The following MAP4K3 variants were observed in gnomAD, a reference collection of about 807,000 sequenced individuals.
MAP4K3 encodes MAPK/ERK kinase kinase kinase 3.
Under a neutral mutation model 143.5 loss-of-function variants are expected in MAP4K3, and 94 were observed. The ratio of observed to expected loss-of-function variants is 0.65; its 90% confidence interval spans 0.55 to 0.78. The LOEUF (loss-of-function observed/expected upper bound fraction) is 0.78. Among genes scored for constraint, MAP4K3 ranks in the 30% least tolerant of loss-of-function variants. The pLI, the probability that MAP4K3 is intolerant of heterozygous loss-of-function variation, is 0.00. For synonymous variants in MAP4K3, 416 were observed against 347.2 expected (o/e 1.20, Z -2.20); for missense variants, 1,077 against 1,068.1 (o/e 1.01, Z -0.12).
intron 4 of MAP4K3, among the ~76,000 whole-genome samples, chr2:39,339,228 T>TTAAACA (rs1443625527): frequency 6.6e-6 from 1 of 152,196 alleles, no homozygotes; most frequent in Non-Finnish European, 1.5e-5. Context: ...AGGACCGGGT[T>TTAAACA]GGGTTTAAAT....
chr2:39,411,918 G>A lies in MAP4K3; in HGVS notation c.96+24974C>T, dbSNP rs186055059. On this transcript the variant is annotated intron_variant, in intron 1 of 33. Coordinates refer to ENST00000263881, the MANE Select transcript of MAP4K3 (RefSeq NM_003618.4). Reference sequence around the variant, plus strand: ...ACAACACGCTTCATGGCACTCTAGAGAGTTTACAAAGTATGTCACATATAT... The same window carrying A: ...ACAACACGCTTCATGGCACTCTAGAAAGTTTACAAAGTATGTCACATATAT... Among the ~76,000 whole-genome samples the A allele has an allele frequency of 1.0e-3, 153 of 152,296 alleles. 1 individual carries two copies. Among genetic ancestry groups the A allele is most frequent in the African/African-American group, 3.5e-3 (146 of 41,562 alleles).
intron 1 of MAP4K3, among the ~76,000 whole-genome samples, chr2:39,415,952 CAAAAAAAAAAAAA>C (rs1192060497): frequency 3.8e-4 from 1 of 2,658 alleles, no homozygotes; most frequent in African/African-American, 8.7e-4. Flanking sequence ...GGCTCTGTCT[CAAAAAAAAAAAAA>C]AAAAAAAAAA....
At position 39,406,283 on chromosome 2, in the gene MAP4K3, G is replaced by T. The variant is rs566481739; in HGVS notation, c.97-28160C>A. ...ATCCAAGACTTATTGGCCTTAAAAA[G>T]GAGGTAGAGAAAGAGACAGGGGTAG... On this transcript the variant is annotated intron_variant, in intron 1 of 33. Coordinates refer to ENST00000263881, the MANE Select transcript of MAP4K3 (RefSeq NM_003618.4). 8.7e-4 allele frequency among the ~76,000 whole-genome samples: 133 copies of T among 152,266 alleles called. 1 individual carries two copies. The highest frequency in any genetic ancestry group is 1.6e-3 in the Non-Finnish European group (112 of 68,014).
chr2:39,373,363 T>C (rs938044116), intron 2 of MAP4K3, among the ~76,000 whole-genome samples: 1 of 152,176 alleles, frequency 6.6e-6, no homozygotes, highest in Admixed American at 6.5e-5. Flanking sequence ...ACAACTACTA[T>C]GGAGAACAGT....
intron 26 of MAP4K3, among the ~76,000 whole-genome samples, chr2:39,271,349 T>C (rs541748331): frequency 1.3e-5 from 2 of 152,310 alleles, no homozygotes; most frequent in East Asian, 1.9e-4. Context: ...AAGGTCTCTA[T>C]TGAGAACAGC....
chr2:39,283,135 A>G (rs980492910), intron 21 of MAP4K3, among the ~76,000 whole-genome samples: 3 of 152,214 alleles, frequency 2.0e-5, no homozygotes, highest in African/African-American at 7.2e-5. Context: ...CTTTATTGGT[A>G]TACTGTGAGA....
At chr2:39,326,841 G>GC (rs1178052376) in intron 8 of MAP4K3, among the ~76,000 whole-genome samples, 8 of 152,106 alleles carry the variant, frequency 5.3e-5, no homozygotes, top group Non-Finnish European at 1.2e-4. Context: ...TTTCCCGAGT[G>GC]CTCTCTCCTG....
At chr2:39,373,959 T>C (rs940446394) in intron 2 of MAP4K3, among the ~76,000 whole-genome samples, 1 of 152,336 alleles carries the variant, frequency 6.6e-6, no homozygotes, top group Non-Finnish European at 1.5e-5. Flanking sequence ...TGGAAGAGTA[T>C]AACTGGTCTG....
chr2:39,274,008 C>T (rs1476205377), intron 24 of MAP4K3, among the ~76,000 whole-genome samples: 2 of 152,062 alleles, frequency 1.3e-5, no homozygotes, highest in Non-Finnish European at 2.9e-5. Context: ...CACATATCCA[C>T]TAAAAAAGTA....
In MAP4K3 at chr2:39,436,752, CT is replaced by C. The variant is rs1572525785; in HGVS notation, c.96+139del. 5 of 692,096 alleles carry C rather than the reference CT, an allele frequency of 7.2e-6. No individual in the cohort carries two copies. The East Asian group carries it at 1.4e-4, about 20-fold the overall frequency. 42.9% of individuals were successfully genotyped at this position (692,096 alleles called of 1,614,324 possible). The stretch of plus-strand genomic sequence containing the variant: ...CTTTGTTCACCAAGGCAGCAGAGCC[CT>C]TGGCGTCCGCAGCTCCTCCTCCCCG... On this transcript the variant is annotated intron_variant, in intron 1 of 33. Transcript: ENST00000263881.
At chr2:39,287,465 T>A (rs1028681265) in intron 20 of MAP4K3, among the ~76,000 whole-genome samples, 1 of 152,032 alleles carries the variant, frequency 6.6e-6, no homozygotes, top group African/African-American at 2.4e-5. Flanking sequence ...GCCCAGCTAA[T>A]TTTGTATTTT....
chr2:39,370,291 T>C (rs991318755), intron 2 of MAP4K3, among the ~76,000 whole-genome samples: 1 of 152,212 alleles, frequency 6.6e-6, no homozygotes, highest in African/African-American at 2.4e-5. Context: ...CTTTGAAGAA[T>C]AATTATCATG....
At chr2:39,271,600 G>A (rs1167590903) in intron 26 of MAP4K3, among the ~76,000 whole-genome samples, 4 of 152,118 alleles carry the variant, frequency 2.6e-5, no homozygotes, top group Non-Finnish European at 4.4e-5. Flanking sequence ...ATCTTCTAAT[G>A]CAAAACACTG....
chr2:39,301,888 G>C (rs1272742049), intron 15 of MAP4K3, among the ~76,000 whole-genome samples: 3 of 152,048 alleles, frequency 2.0e-5, no homozygotes, highest in Non-Finnish European at 4.4e-5. Context: ...GCTGGGCGTG[G>C]TGGCTCGCGC....
rs774665530 is a variant in MAP4K3 at position 39,290,294 on chromosome 2, T to C, written c.1312A>G (p.Lys438Glu). The C allele has an allele frequency of 1.9e-6, 3 of 1,606,648 alleles. No individual in the cohort carries two copies. The Admixed American group carries it at 5.1e-5, about 27-fold the overall frequency. The change falls in exon 19 of 34, where the codon AAG (lysine) becomes GAG (glutamate). Residue 438 changes from lysine to glutamate, a missense_variant and splice_region_variant. Physicochemically the swap from Lys to Glu is moderately conservative, Grantham distance 56 (BLOSUM62 1). Coordinates refer to ENST00000263881, the MANE Select transcript of MAP4K3 (RefSeq NM_003618.4). ...AATTGAAAAATAAATCTGTCTACCT[T>C]TGGTGGCAAAGGAGGTGGAATTTTT... ...KAKIPPPLPP[K>E]PKSIFIPQEM... is the part of the protein sequence containing the mutation.
chr2:39,382,127 T>A (rs772813279), intron 1 of MAP4K3, among the ~76,000 whole-genome samples: 1 of 152,186 alleles, frequency 6.6e-6, no homozygotes, highest in Non-Finnish European at 1.5e-5. Flanking sequence ...TTTGAACTAG[T>A]TTTGGAAAGA....
chr2:39,382,130 T>C (rs1231345664), intron 1 of MAP4K3, among the ~76,000 whole-genome samples: 1 of 152,218 alleles, frequency 6.6e-6, no homozygotes, highest in Non-Finnish European at 1.5e-5. Context: ...GAACTAGTTT[T>C]GGAAAGAATT....
intron 1 of MAP4K3, among the ~76,000 whole-genome samples, chr2:39,433,764 A>G (rs1665366141): frequency 6.6e-6 from 1 of 152,208 alleles, no homozygotes; most frequent in Non-Finnish European, 1.5e-5. Flanking sequence ...GCACTTCATG[A>G]CAGATAAAGC....
intron 13 of MAP4K3, among the ~76,000 whole-genome samples, chr2:39,312,331 C>T (rs1327584554): frequency 6.6e-6 from 1 of 151,948 alleles, no homozygotes; most frequent in Non-Finnish European, 1.5e-5. Context: ...GAGATACAAG[C>T]AGAGGAAAAA....
Sources: gnomAD v4.1 joint callset for allele counts (sites outside exome capture counted in the v4.1 genomes callset) on GRCh38, gnomAD v4.1.1 for gene constraint, MANE v1.5 for transcripts, NCBI Gene and HGNC (gene_info 2026-07-23, HGNC 2026-07-21) for gene names.